Variants in STX17 observed in about 807,000 individuals in gnomAD.
STX17 encodes syntaxin-17.
STX17 carries 29 observed loss-of-function variants against 35.9 expected under a neutral mutation model. The observed-to-expected ratio is 0.81, with a 90% CI of 0.60 to 1.10. The LOEUF is 1.10. Among genes scored for constraint, STX17 ranks in the 50% least tolerant of loss-of-function variants. The pLI, the probability that STX17 is intolerant of heterozygous loss-of-function variation, is 0.00. For missense variants in STX17, 312 were observed against 352.3 expected, an observed-to-expected ratio of 0.89 and a Z score of 0.92; for synonymous variants, 92 against 118.3, an observed-to-expected ratio of 0.78 and a Z score of 1.44.
At chr9:99,918,255 G>T (rs1467839926) in intron 2 of STX17, among the ~76,000 whole-genome samples, 2 of 152,076 alleles carry the variant, frequency 1.3e-5, no homozygotes, top group Non-Finnish European at 2.9e-5. Context: ...TCAGCTTCCT[G>T]AATAGCTAAG....
intron 3 of STX17, among the ~76,000 whole-genome samples, chr9:99,942,309 G>T (rs1006529614): frequency 6.6e-6 from 1 of 151,992 alleles, no homozygotes; most frequent in Non-Finnish European, 1.5e-5. Context: ...ATATTGATTT[G>T]TAAGACTTCT....
chr9:99,931,382 G>A (rs1243562925), intron 3 of STX17, among the ~76,000 whole-genome samples: 1 of 152,026 alleles, frequency 6.6e-6, no homozygotes, highest in African/African-American at 2.4e-5. Flanking sequence ...ATTTGATGAT[G>A]ATGTCATTGT....
At chr9:99,946,424 G>A (rs1393007958) in intron 3 of STX17, among the ~76,000 whole-genome samples, 1 of 152,124 alleles carries the variant, frequency 6.6e-6, no homozygotes, top group Non-Finnish European at 1.5e-5. Flanking sequence ...GATAATATCA[G>A]TTCCTTAGAC....
rs1450516823 is a variant in STX17 at position 99,968,628 on chromosome 9, C to G, written c.864C>G (p.Ser288=). The G allele has an allele frequency of 1.2e-6, 2 of 1,613,920 alleles. No individual in the cohort carries two copies. The change falls in exon 8 of 8, where the codon TCC becomes TCG. Residue 288 remains serine, a synonymous_variant. Transcript: ENST00000259400. The part of the protein sequence containing the change: ...KKQKMMEKLT[S]SCPDLPSQTD... The stretch of plus-strand genomic sequence containing the variant: ...AGAAAATGATGGAGAAGCTCACTTC[C>G]AGCTGTCCAGATCTTCCCAGCCAAA...
intron 6 of STX17, among the ~76,000 whole-genome samples, chr9:99,964,970 C>T (rs187856439): frequency 1.1e-4 from 16 of 152,212 alleles, no homozygotes; most frequent in Non-Finnish European, 1.6e-4. Flanking sequence ...GAAAGGCAGA[C>T]GTGCACAATC....
chr9:99,925,332 G>T (rs1030401122), intron 2 of STX17, among the ~76,000 whole-genome samples: 7 of 151,778 alleles, frequency 4.6e-5, no homozygotes, highest in African/African-American at 1.7e-4. Context: ...TACATTATCA[G>T]CCCCATTTGT....
At chr9:99,945,066 G>A (rs142597288) in intron 3 of STX17, among the ~76,000 whole-genome samples, 1 of 152,090 alleles carries the variant, frequency 6.6e-6, no homozygotes, top group African/African-American at 2.4e-5. Flanking sequence ...GTGTGTTTTT[G>A]ACATGTGTAT....
intron 3 of STX17, among the ~76,000 whole-genome samples, chr9:99,937,053 T>C (rs981407188): frequency 6.6e-6 from 1 of 152,220 alleles, no homozygotes; most frequent in Non-Finnish European, 1.5e-5. Flanking sequence ...TACATTGACT[T>C]TTTTCTTTCA....
intron 3 of STX17, among the ~76,000 whole-genome samples, chr9:99,940,092 G>C (rs1272628623): frequency 6.6e-6 from 1 of 152,080 alleles, no homozygotes; most frequent in Non-Finnish European, 1.5e-5. Flanking sequence ...GGATTCTTTA[G>C]ATGCCACTTT....
chr9:99,948,506 C>T (rs1829528458), intron 3 of STX17, among the ~76,000 whole-genome samples: 1 of 151,958 alleles, frequency 6.6e-6, no homozygotes, highest in Non-Finnish European at 1.5e-5. Flanking sequence ...GGATTTGATT[C>T]TTGCCTATAC....
Position 99,915,207 on chromosome 9 carries a change from G to A in STX17, c.-33G>A. 2 of 1,596,210 alleles carry A rather than the reference G, an allele frequency of 1.3e-6. No homozygotes were observed. Among genetic ancestry groups the A allele is most frequent in the Non-Finnish European group, 1.7e-6 (2 of 1,172,882 alleles). ...TTCTATATGAGTGGAGAAGACAGCT[G>A]TTACCAGGGAGGTCATACAACATTT... On this transcript the variant is annotated 5_prime_UTR_variant, in exon 2 of 8. Transcript: ENST00000259400.
chr9:99,956,167 C>T (rs1279535500), intron 4 of STX17, among the ~76,000 whole-genome samples: 4 of 152,152 alleles, frequency 2.6e-5, no homozygotes, highest in South Asian at 2.1e-4. Flanking sequence ...AAGATGCATA[C>T]GTAGTTTGGT....
At chr9:99,957,090 G>C (rs974593504) in intron 4 of STX17, among the ~76,000 whole-genome samples, 2 of 152,110 alleles carry the variant, frequency 1.3e-5, no homozygotes, top group Non-Finnish European at 2.9e-5. Flanking sequence ...CTTGTAACTT[G>C]TCTTTTACTT....
rs983954755 is a variant in STX17 at position 99,972,585 on chromosome 9, G to C, written c.*3912G>C. On this transcript the variant is annotated 3_prime_UTR_variant, in exon 8 of 8. Coordinates refer to ENST00000259400, the MANE Select transcript of STX17 (RefSeq NM_017919.3). ...GTCCAGAAACTTCCTTCTGTGGGCT[G>C]CCTGCCTTCCTGCCCTCCCTTAAGT... is the stretch of plus-strand genomic sequence containing the variant. 6.6e-6 allele frequency among the ~76,000 whole-genome samples: 1 copy of C among 152,170 alleles called. No homozygotes were observed. The highest frequency in any genetic ancestry group is 1.5e-5 in the Non-Finnish European group (1 of 68,020).
At chr9:99,933,266 TTCTATTCCATTTGTCAG>T (rs1829162330) in intron 3 of STX17, among the ~76,000 whole-genome samples, 1 of 152,160 alleles carries the variant, frequency 6.6e-6, no homozygotes, top group Non-Finnish European at 1.5e-5. Flanking sequence ...GATCTTTATA[TTCTATTCCATTTGTCAG>T]TCTATTTCTG....
intron 1 of STX17, among the ~76,000 whole-genome samples, chr9:99,909,889 A>T (rs1490701403): frequency 2.0e-5 from 3 of 152,222 alleles, no homozygotes; most frequent in Non-Finnish European, 4.4e-5. Flanking sequence ...AATATCCCAT[A>T]AATATATACC....
intron 3 of STX17, among the ~76,000 whole-genome samples, chr9:99,948,320 C>T (rs1587932223): frequency 6.6e-6 from 1 of 151,902 alleles, no homozygotes; most frequent in South Asian, 2.1e-4. Context: ...AGTATTTTAG[C>T]TATATTAGGT....
intron 2 of STX17, among the ~76,000 whole-genome samples, chr9:99,923,921 G>A (rs925494995): frequency 6.6e-6 from 1 of 152,154 alleles, no homozygotes; most frequent in African/African-American, 2.4e-5. Flanking sequence ...GTCCTCCCTG[G>A]AGACACCACC....
intron 3 of STX17, among the ~76,000 whole-genome samples, chr9:99,943,786 A>G (rs1829418270): frequency 6.6e-6 from 1 of 152,148 alleles, no homozygotes; most frequent in Admixed American, 6.5e-5. Context: ...TTTATTCTTA[A>G]TCTTCTTAAG....
Sources: gnomAD v4.1 joint callset for allele counts (sites outside exome capture counted in the v4.1 genomes callset) on GRCh38, gnomAD v4.1.1 for gene constraint, MANE v1.5 for transcripts, NCBI Gene and HGNC (gene_info 2026-07-23, HGNC 2026-07-21) for gene names.